The following SEPTIN7 variants were observed in gnomAD, a reference collection of about 807,000 sequenced individuals.
The protein encoded by SEPTIN7 is septin-7.
Under a neutral mutation model 63.3 loss-of-function variants are expected in SEPTIN7, and 10 were observed. The observed-to-expected ratio is 0.16, with a 90% CI of 0.10 to 0.27. SEPTIN7 has a LOEUF of 0.27. Ranked by LOEUF, SEPTIN7 falls within the 10% of genes least tolerant of loss-of-function variation. SEPTIN7 has a pLI of 1.00. For missense variants in SEPTIN7, 310 were observed against 521.0 expected, an observed-to-expected ratio of 0.59 and a Z score of 3.94; for synonymous variants, 131 against 165.3, an observed-to-expected ratio of 0.79 and a Z score of 1.59.
chr7:35,835,122 T>A (rs1484378708), intron 3 of SEPTIN7, among the ~76,000 whole-genome samples: 1 of 152,194 alleles, frequency 6.6e-6, no homozygotes, highest in Non-Finnish European at 1.5e-5. Flanking sequence ...GAGCTTCTGA[T>A]TTATATGACA....
intron 4 of SEPTIN7, among the ~76,000 whole-genome samples, chr7:35,870,091 A>G (rs3890242): frequency 0.42 from 64,317 of 152,058 alleles, 14,047 homozygotes; most frequent in African/African-American, 0.52. Context: ...GATCCTGTGA[A>G]TGGCACTAGT....
At chr7:35,880,223 C>CTTTTTTTTTTTTTTTTTTTTTTA in intron 7 of SEPTIN7, among the ~76,000 whole-genome samples, 2 of 72,776 alleles carry the variant, frequency 2.7e-5, no homozygotes, top group Non-Finnish European at 5.2e-5. Flanking sequence ...TTTTTCTTTT[C>CTTTTTTTTTTTTTTTTTTTTTTA]TTTTTTTTTT....
Position 35,875,256 on chromosome 7 carries a change from C to T in SEPTIN7, c.512+1481C>T, listed in dbSNP as rs541527690. 2.6e-5 allele frequency among the ~76,000 whole-genome samples: 4 copies of T among 152,268 alleles called. No individual in the cohort carries two copies. The South Asian group carries it at 8.3e-4, about 32-fold the overall frequency. On this transcript the variant is annotated intron_variant, in intron 6 of 13. Coordinates refer to ENST00000350320, the MANE Select transcript of SEPTIN7 (RefSeq NM_001788.6). ...ACAAGGGGTAAGATGTTTAAAATTG[C>T]TATTTCTTATATATAAAAATGTACC...
chr7:35,845,426 TTC>T (rs1429055839), intron 3 of SEPTIN7, among the ~76,000 whole-genome samples: 1 of 152,204 alleles, frequency 6.6e-6, no homozygotes, highest in African/African-American at 2.4e-5. Flanking sequence ...TACTTTGTAC[TTC>T]TGTTTTGGTT....
intron 11 of SEPTIN7, among the ~76,000 whole-genome samples, chr7:35,892,212 A>G (rs553271066): frequency 1.3e-5 from 2 of 152,336 alleles, no homozygotes; most frequent in South Asian, 4.1e-4. Context: ...CAAAATAGCT[A>G]TAGTATTTTC....
chr7:35,863,462 A>T, intron 3 of SEPTIN7, 90 bp from the exon 4 acceptor site: 1 of 697,338 alleles, frequency 1.4e-6, no homozygotes, highest in Admixed American at 2.7e-5. Flanking sequence ...AAGTACTTGC[A>T]TAAGGCAAGT....
At chr7:35,881,514 A>G (rs959328053) in intron 7 of SEPTIN7, among the ~76,000 whole-genome samples, 1 of 150,300 alleles carries the variant, frequency 6.7e-6, no homozygotes, top group African/African-American at 2.4e-5. Flanking sequence ...TTTTTTTTTA[A>G]ATATAGGTAC....
intron 1 of SEPTIN7, among the ~76,000 whole-genome samples, chr7:35,809,218 G>C (rs1032815223): frequency 6.6e-6 from 1 of 152,172 alleles, no homozygotes; most frequent in African/African-American, 2.4e-5. Flanking sequence ...TGGTGATTAA[G>C]AGTTTTCGGA....
intron 3 of SEPTIN7, among the ~76,000 whole-genome samples, chr7:35,853,688 T>G (rs1785066161): frequency 6.6e-6 from 1 of 152,228 alleles, no homozygotes; most frequent in South Asian, 2.1e-4. Flanking sequence ...AGTGCCTAGC[T>G]CAATGTCTTT....
intron 1 of SEPTIN7, among the ~76,000 whole-genome samples, chr7:35,802,044 G>A (rs1788027529): frequency 6.6e-6 from 1 of 152,180 alleles, no homozygotes; most frequent in African/African-American, 2.4e-5. Context: ...GCCTGGGAAG[G>A]GCGCCCCCCG....
intron 12 of SEPTIN7, chr7:35,900,177 G>T (rs1165210014): frequency 6.6e-6 from 1 of 152,192 alleles, no homozygotes; most frequent in African/African-American, 2.4e-5. Context: ...TAATTTCGAG[G>T]AAATGTTTTT....
intron 1 of SEPTIN7, among the ~76,000 whole-genome samples, chr7:35,819,751 GCT>G (rs1213669013): frequency 6.6e-6 from 1 of 151,802 alleles, no homozygotes; most frequent in Non-Finnish European, 1.5e-5. Flanking sequence ...AGCTACTTCA[GCT>G]CTCTCTTGTT....
downstream of SEPTIN7, among the ~76,000 whole-genome samples, chr7:35,910,438 T>G (rs1376976400): frequency 6.6e-6 from 1 of 152,222 alleles, no homozygotes; most frequent in Non-Finnish European, 1.5e-5. Context: ...TTAAACCAAT[T>G]GAAGGTGCTG....
chr7:35,819,760 T>C (rs1234302791), intron 1 of SEPTIN7, among the ~76,000 whole-genome samples: 2 of 151,630 alleles, frequency 1.3e-5, no homozygotes, highest in Non-Finnish European at 3.0e-5. Flanking sequence ...AGCTCTCTCT[T>C]GTTTTCTGTC....
intron 1 of SEPTIN7, among the ~76,000 whole-genome samples, chr7:35,829,513 C>G (rs753152286): frequency 2.0e-5 from 3 of 152,126 alleles, no homozygotes; most frequent in Admixed American, 1.3e-4. Flanking sequence ...AAAGACTGTT[C>G]TTGTTGCTAA....
At chr7:35,881,657 G>A (rs1054477382) in intron 7 of SEPTIN7, among the ~76,000 whole-genome samples, 11 of 151,606 alleles carry the variant, frequency 7.3e-5, no homozygotes, top group Admixed American at 7.2e-4. Flanking sequence ...GGGAACCTTT[G>A]CCAAGAAAGT....
intron 8 of SEPTIN7, among the ~76,000 whole-genome samples, chr7:35,883,106 C>T (rs1450654253): frequency 6.6e-6 from 1 of 151,882 alleles, no homozygotes; most frequent in East Asian, 1.9e-4. Context: ...TGCTAATTAC[C>T]CTAATTCAAT....
At chr7:35,903,761 T>C (rs1472479089) in intron 13 of SEPTIN7, among the ~76,000 whole-genome samples, 1 of 152,220 alleles carries the variant, frequency 6.6e-6, no homozygotes, top group African/African-American at 2.4e-5. Context: ...AACTGAAAAG[T>C]GGCATTCCTA....
chr7:35,834,257 G>C (rs1438371786), intron 3 of SEPTIN7, among the ~76,000 whole-genome samples: 3 of 151,912 alleles, frequency 2.0e-5, no homozygotes, highest in African/African-American at 7.2e-5. Flanking sequence ...TAGGAGAACT[G>C]TAACAATTAA....
Sources: allele counts gnomAD v4.1 joint callset (sites outside exome capture counted in the v4.1 genomes callset), GRCh38; gene constraint gnomAD v4.1.1; transcripts MANE v1.5; gene names NCBI Gene and HGNC (gene_info 2026-07-23, HGNC 2026-07-21).